Variants in HHAT observed in about 807,000 individuals in gnomAD.
HHAT encodes the protein hedgehog acyltransferase.
In HHAT, 47 loss-of-function variants were observed where a neutral mutation model predicts 70.8. That is an observed-to-expected ratio of 0.66 (90% CI 0.53 to 0.85). The LOEUF is 0.85. Among genes scored for constraint, HHAT ranks in the 40% least tolerant of loss-of-function variants. The pLI, the probability that HHAT is intolerant of heterozygous loss-of-function variation, is 0.00. For synonymous variants in HHAT, 228 were observed against 247.6 expected (o/e 0.92, Z 0.74); for missense variants, 609 against 604.8 (o/e 1.01, Z -0.07).
chr1:210,588,121 G>A (rs748895303), intron 10 of HHAT, 22 bp downstream of exon 10: 4 of 1,556,596 alleles, frequency 2.6e-6, no homozygotes, highest in Non-Finnish European at 1.7e-6. Context: ...CCTTGCTGCT[G>A]TGTTAGGGGA....
At chr1:210,612,124 A>G (rs148364505) in intron 10 of HHAT, among the ~76,000 whole-genome samples, 144 of 152,242 alleles carry the variant, frequency 9.5e-4, no homozygotes, top group Middle Eastern at 3.4e-3. Context: ...TCACTCTTCC[A>G]TGTATCTATT....
chr1:210,442,706 C>G (rs946878392), intron 7 of HHAT, among the ~76,000 whole-genome samples: 2 of 151,988 alleles, frequency 1.3e-5, no homozygotes, highest in South Asian at 2.1e-4. Flanking sequence ...TTGTTTGTTT[C>G]TTTCTTGTAA....
chr1:210,659,378 C>A (rs1677154182), intron 11 of HHAT, among the ~76,000 whole-genome samples: 2 of 152,152 alleles, frequency 1.3e-5, no homozygotes, highest in Non-Finnish European at 1.5e-5. Context: ...AAGACTAAAC[C>A]AGGAAGAAGT....
chr1:210,634,204 G>A (rs987811230), intron 11 of HHAT, among the ~76,000 whole-genome samples: 7 of 152,196 alleles, frequency 4.6e-5, no homozygotes, highest in Non-Finnish European at 1.0e-4. Flanking sequence ...ACAACTGAGC[G>A]CTAAGCCACG....
chr1:210,514,571 T>A (rs2095021458), intron 9 of HHAT, among the ~76,000 whole-genome samples: 1 of 152,174 alleles, frequency 6.6e-6, no homozygotes, highest in Non-Finnish European at 1.5e-5. Context: ...ACTCTTCTTA[T>A]TTTTTCTAGT....
At chr1:210,619,874 A>G (rs1174703683) in intron 10 of HHAT, among the ~76,000 whole-genome samples, 2 of 152,184 alleles carry the variant, frequency 1.3e-5, no homozygotes, top group Non-Finnish European at 2.9e-5. Flanking sequence ...TGAAAATCAA[A>G]TTCTATTTGT....
intron 10 of HHAT, among the ~76,000 whole-genome samples, chr1:210,610,074 T>C (rs1666278092): frequency 6.6e-6 from 1 of 152,220 alleles, no homozygotes; most frequent in Non-Finnish European, 1.5e-5. Context: ...TTCTAGGTCT[T>C]TGAGGAATTG....
chr1:210,582,398 A>G (rs529254986), intron 9 of HHAT, among the ~76,000 whole-genome samples: 4 of 152,218 alleles, frequency 2.6e-5, no homozygotes, highest in African/African-American at 9.6e-5. Context: ...TCAGTGCAGG[A>G]AACCGTAGTA....
At chr1:210,623,975 C>A (rs192036667) in intron 11 of HHAT, among the ~76,000 whole-genome samples, 1 of 152,120 alleles carries the variant, frequency 6.6e-6, no homozygotes, top group Admixed American at 6.5e-5. Flanking sequence ...TTTGATATTT[C>A]TTAATCTTTC....
At chr1:210,663,082 T>A (rs537452366) in intron 11 of HHAT, among the ~76,000 whole-genome samples, 100 of 152,204 alleles carry the variant, frequency 6.6e-4, no homozygotes, top group African/African-American at 2.4e-3. Flanking sequence ...ACAGTTTTAA[T>A]AAAGGGTCAT....
intron 7 of HHAT, among the ~76,000 whole-genome samples, chr1:210,434,427 G>A (rs1452788977): frequency 6.6e-6 from 1 of 151,834 alleles, no homozygotes; most frequent in African/African-American, 2.4e-5. Flanking sequence ...TCAGGAAGAG[G>A]GTACTGAGCA....
chr1:210,522,239 A>C (rs1375789097), intron 9 of HHAT, among the ~76,000 whole-genome samples: 5 of 152,176 alleles, frequency 3.3e-5, no homozygotes, highest in Admixed American at 3.3e-4. Context: ...GAGGTGAGAA[A>C]TGACACCTGG....
At chr1:210,401,737 A>ATCC (rs2092085774) in intron 5 of HHAT, among the ~76,000 whole-genome samples, 1 of 152,158 alleles carries the variant, frequency 6.6e-6, no homozygotes, top group Non-Finnish European at 1.5e-5. Context: ...TGACCCAGAG[A>ATCC]ATTGGTGGAT....
At chr1:210,593,853 C>A (rs1662317067) in intron 10 of HHAT, among the ~76,000 whole-genome samples, 1 of 152,108 alleles carries the variant, frequency 6.6e-6, no homozygotes, top group African/African-American at 2.4e-5. Flanking sequence ...ATATTGGTTG[C>A]ATATGTTATT....
At chr1:210,341,252 G>A (rs977124711) in intron 1 of HHAT, among the ~76,000 whole-genome samples, 15 of 152,276 alleles carry the variant, frequency 9.9e-5, no homozygotes, top group Middle Eastern at 3.4e-3. Context: ...TGGTGCATGT[G>A]AGTATTGGGT....
intron 7 of HHAT, among the ~76,000 whole-genome samples, chr1:210,454,301 C>A (rs936539673): frequency 1.7e-4 from 26 of 152,208 alleles, no homozygotes; most frequent in African/African-American, 6.0e-4. Flanking sequence ...CGCCTGTAAT[C>A]CCAGCACTTC....
At chr1:210,604,422 A>G (rs1381424067) in intron 10 of HHAT, among the ~76,000 whole-genome samples, 1 of 152,128 alleles carries the variant, frequency 6.6e-6, no homozygotes, top group African/African-American at 2.4e-5. Flanking sequence ...TGTTCTTGAC[A>G]TATTAGTTTT....
chr1:210,474,517 C>T (rs2094268729), intron 8 of HHAT, among the ~76,000 whole-genome samples: 1 of 152,270 alleles, frequency 6.6e-6, no homozygotes, highest in Non-Finnish European at 1.5e-5. Context: ...AACCTACCAG[C>T]CTAAGTGCCT....
At chr1:210,563,817 C>T (rs1180764374) in intron 9 of HHAT, among the ~76,000 whole-genome samples, 1 of 152,192 alleles carries the variant, frequency 6.6e-6, no homozygotes, top group Non-Finnish European at 1.5e-5. Context: ...TTTTCTCTTC[C>T]TCCTTGCCTT....
Sources: gnomAD v4.1 joint callset for allele counts (sites outside exome capture counted in the v4.1 genomes callset) on GRCh38, gnomAD v4.1.1 for gene constraint, MANE v1.5 for transcripts, NCBI Gene and HGNC (gene_info 2026-07-23, HGNC 2026-07-21) for gene names.